The following DLGAP1 variants were observed in gnomAD, a reference collection of about 807,000 sequenced individuals.
The protein encoded by DLGAP1 is disks large-associated protein 1.
In DLGAP1, 11 loss-of-function variants were observed where a neutral mutation model predicts 90.8. The ratio of observed to expected loss-of-function variants is 0.12; its 90% CI spans 0.08 to 0.20. The LOEUF (loss-of-function observed/expected upper bound fraction) is 0.20, where lower values mean the gene tolerates loss of function less well. Among genes scored for constraint, DLGAP1 ranks in the 10% least tolerant of loss-of-function variants. The probability of loss-of-function intolerance (pLI) is 1.00; values close to 1 mark genes in which losing one functional copy is unlikely to be tolerated. For missense variants in DLGAP1, 1,050 were observed against 1,333.8 expected (o/e 0.79, Z 3.31); for synonymous variants, 558 against 540.7 (o/e 1.03, Z -0.44).
chr18:4,033,740 C>CTT (rs34275416), intron 2 of DLGAP1, among the ~76,000 whole-genome samples: 25 of 139,894 alleles, frequency 1.8e-4, no homozygotes, highest in African/African-American at 2.6e-4. Flanking sequence ...AGTTTAGCAA[C>CTT]TTTTTTTTTT....
At chr18:3,607,692 T>C (rs1426355295) in intron 7 of DLGAP1, 1 of 152,212 alleles carries the variant, frequency 6.6e-6, no homozygotes, top group African/African-American at 2.4e-5. Flanking sequence ...CATACCATCC[T>C]TTTGCATGCC....
At position 3,502,363 on chromosome 18, in the gene DLGAP1, C is replaced by T. The variant is rs886733516; in HGVS notation, c.2724+130G>A. 11 of 1,456,048 alleles carry T rather than the reference C, an allele frequency of 7.6e-6. No individual in the cohort carries two copies. The African/African-American group carries it at 1.4e-4, about 19-fold the overall frequency. 90.2% of individuals were successfully genotyped at this position (1,456,048 alleles called of 1,614,324 possible). A position where few individuals can be genotyped will look rare whatever the true frequency, so the allele number is the denominator to read the frequency against. On this transcript the variant is annotated intron_variant, in intron 12 of 12. Coordinates refer to ENST00000315677, the MANE Select transcript of DLGAP1 (RefSeq NM_004746.4). ...GATTACTATGTAAACATTGTCATTA[C>T]AATGAAATTAATATGATATCAGCTC...
At chr18:4,107,322 G>A (rs1265119910) in intron 2 of DLGAP1, among the ~76,000 whole-genome samples, 1 of 152,288 alleles carries the variant, frequency 6.6e-6, no homozygotes, top group Non-Finnish European at 1.5e-5. Flanking sequence ...TTCCACCGGC[G>A]AAATTTACTA....
chr18:3,717,562 A>G (rs985701149), intron 7 of DLGAP1, among the ~76,000 whole-genome samples: 3 of 152,128 alleles, frequency 2.0e-5, no homozygotes, highest in Admixed American at 1.3e-4. Context: ...TTGTTCCTCA[A>G]AGTGGTTTGG....
At chr18:4,030,288 A>G (rs182280940) in intron 2 of DLGAP1, among the ~76,000 whole-genome samples, 2 of 152,294 alleles carry the variant, frequency 1.3e-5, no homozygotes, top group African/African-American at 4.8e-5. Flanking sequence ...CTGTATTCCT[A>G]GGGCTAGAAT....
intron 1 of DLGAP1, among the ~76,000 whole-genome samples, chr18:4,327,309 A>T (rs1177637932): frequency 1.3e-5 from 2 of 152,058 alleles, no homozygotes; most frequent in African/African-American, 4.8e-5. Context: ...ATATCAAAAC[A>T]TCACATTACA....
intron 1 of DLGAP1, among the ~76,000 whole-genome samples, chr18:4,242,439 C>T (rs377178824): frequency 6.6e-6 from 1 of 152,072 alleles, no homozygotes; most frequent in African/African-American, 2.4e-5. Flanking sequence ...AAGGAGAACA[C>T]AAGCAGCCAG....
chr18:3,627,885 T>C (rs1440398267), intron 7 of DLGAP1, among the ~76,000 whole-genome samples: 2 of 145,902 alleles, frequency 1.4e-5, no homozygotes, highest in African/African-American at 5.1e-5. Context: ...CTTTTTTTTT[T>C]TTTTTTTTTT....
At chr18:4,321,589 T>A (rs2080687650) in intron 1 of DLGAP1, among the ~76,000 whole-genome samples, 1 of 152,188 alleles carries the variant, frequency 6.6e-6, no homozygotes, top group South Asian at 2.1e-4. Flanking sequence ...AGAATTCAAG[T>A]ATCCATGCAG....
At chr18:3,853,654 G>A (rs565177468) in intron 4 of DLGAP1, among the ~76,000 whole-genome samples, 1 of 151,974 alleles carries the variant, frequency 6.6e-6, no homozygotes, top group Non-Finnish European at 1.5e-5. Context: ...ATTAAGTGAT[G>A]CCTGGTTGTG....
chr18:4,218,227 C>G (rs2144945246), intron 1 of DLGAP1, among the ~76,000 whole-genome samples: 1 of 151,056 alleles, frequency 6.6e-6, no homozygotes, highest in Middle Eastern at 3.4e-3. Flanking sequence ...GAGTCTATTT[C>G]TGGGCTCTCT....
At chr18:3,985,915 G>A (rs1488984856) in intron 3 of DLGAP1, among the ~76,000 whole-genome samples, 1 of 152,046 alleles carries the variant, frequency 6.6e-6, no homozygotes, top group Non-Finnish European at 1.5e-5. Context: ...ATACTTTTCT[G>A]GAATACAAAA....
At chr18:3,586,979 G>T (rs983059492) in intron 7 of DLGAP1, among the ~76,000 whole-genome samples, 3 of 152,184 alleles carry the variant, frequency 2.0e-5, no homozygotes, top group African/African-American at 7.2e-5. Context: ...GGTCAAAACA[G>T]AAAGAGAAAA....
At chr18:4,182,832 A>T (rs1027145824) in intron 1 of DLGAP1, among the ~76,000 whole-genome samples, 1 of 152,180 alleles carries the variant, frequency 6.6e-6, no homozygotes, top group African/African-American at 2.4e-5. Context: ...AATCAAGTGA[A>T]ATAATAATGT....
intron 1 of DLGAP1, among the ~76,000 whole-genome samples, chr18:4,333,463 C>T (rs1443400471): frequency 6.6e-6 from 1 of 151,140 alleles, no homozygotes; most frequent in African/African-American, 2.5e-5. Flanking sequence ...GATAGGAAGA[C>T]CTATAATGTC....
chr18:4,337,193 CTTTT>C (rs201042095), intron 1 of DLGAP1, among the ~76,000 whole-genome samples: 5 of 91,074 alleles, frequency 5.5e-5, no homozygotes, highest in Non-Finnish European at 1.1e-4. Context: ...CAATAGTTGG[CTTTT>C]TTTTTTTTTT....
intron 1 of DLGAP1, among the ~76,000 whole-genome samples, chr18:4,417,447 G>C (rs1266122381): frequency 6.6e-6 from 1 of 152,076 alleles, no homozygotes; most frequent in African/African-American, 2.4e-5. Flanking sequence ...AGTGTAAACA[G>C]GTCCTGAGAC....
At chr18:3,671,102 T>C (rs887328354) in intron 7 of DLGAP1, among the ~76,000 whole-genome samples, 2 of 151,878 alleles carry the variant, frequency 1.3e-5, no homozygotes, top group Non-Finnish European at 2.9e-5. Flanking sequence ...CCCCTCCATC[T>C]CTGTGTTCCA....
chr18:4,333,536 T>A (rs1394413157), intron 1 of DLGAP1, among the ~76,000 whole-genome samples: 2 of 150,996 alleles, frequency 1.3e-5, no homozygotes, highest in Non-Finnish European at 2.9e-5. Context: ...TATCTTTAGA[T>A]TAAAAAAAAA....
Sources: gnomAD v4.1 joint callset for allele counts (sites outside exome capture counted in the v4.1 genomes callset) on GRCh38, gnomAD v4.1.1 for gene constraint, MANE v1.5 for transcripts, NCBI Gene and HGNC (gene_info 2026-07-23, HGNC 2026-07-21) for gene names.